ANO10: variants seen among roughly 807,000 people sequenced by gnomAD.
ANO10 encodes anoctamin-10.
ANO10 carries 77 observed loss-of-function variants against 74.7 expected under a neutral mutation model. That is an observed-to-expected ratio of 1.03 (90% confidence interval 0.86 to 1.25). The LOEUF is 1.25. Ranked by LOEUF, ANO10 falls within the 50% of genes most tolerant of loss-of-function variation. The probability of loss-of-function intolerance (pLI) is 0.00; values close to 1 mark genes in which losing one functional copy is unlikely to be tolerated. For missense variants in ANO10, 721 were observed against 778.1 expected (o/e 0.93, Z 0.87); for synonymous variants, 279 against 284.9 (o/e 0.98, Z 0.21).
chr3:43,466,530 TAAAC>T (rs781030270), intron 11 of ANO10, among the ~76,000 whole-genome samples: 1 of 152,074 alleles, frequency 6.6e-6, no homozygotes, highest in Non-Finnish European at 1.5e-5. Flanking sequence ...AAGGGTCTTT[TAAAC>T]AAACGACTAG....
chr3:43,524,296 G>A (rs2149225416), intron 11 of ANO10, among the ~76,000 whole-genome samples: 1 of 2,862 alleles, frequency 3.5e-4, no homozygotes, highest in African/African-American at 4.4e-4. Context: ...GTGCTTGGTT[G>A]GGGGAAATAT....
At chr3:43,650,233 G>A (rs2083772477) in intron 1 of ANO10, among the ~76,000 whole-genome samples, 1 of 152,134 alleles carries the variant, frequency 6.6e-6, no homozygotes, top group African/African-American at 2.4e-5. Context: ...TTGGGAAGAT[G>A]ATCTTCCCCT....
Position 43,521,301 on chromosome 3 carries a change from C to T in ANO10, c.1797+28419G>A, listed in dbSNP as rs140943682. Among the ~76,000 whole-genome samples, 262 of 152,314 alleles carry T rather than the reference C, an allele frequency of 1.7e-3. 2 individuals are homozygous for T. The highest frequency in any genetic ancestry group is 0.015 in the South Asian group (71 of 4,824). On this transcript the variant is annotated intron_variant, in intron 11 of 12. Coordinates refer to ENST00000292246, the MANE Select transcript of ANO10 (RefSeq NM_018075.5). ...ATGTTAACTGCAGGTTTTGCACACA[C>T]ATCACTTATCAGGTTGAAAACAAGG...
intron 11 of ANO10, among the ~76,000 whole-genome samples, chr3:43,515,057 A>G (rs577740737): frequency 6.6e-6 from 1 of 152,242 alleles, no homozygotes; most frequent in Non-Finnish European, 1.5e-5. Flanking sequence ...ACAGAGCAGA[A>G]AGCAAAGAAA....
chr3:43,414,738 C>G (rs1575717910), intron 12 of ANO10, among the ~76,000 whole-genome samples: 1 of 152,228 alleles, frequency 6.6e-6, no homozygotes, highest in East Asian at 1.9e-4. Flanking sequence ...TGGAAGATCT[C>G]TAAGAATGGA....
chr3:43,677,212 C>A (rs1392838998), intron 1 of ANO10, among the ~76,000 whole-genome samples: 1 of 152,168 alleles, frequency 6.6e-6, no homozygotes, highest in Admixed American at 6.5e-5. Context: ...TGGAAGCCAT[C>A]TTCCTAAGGG....
chr3:43,669,665 C>G (rs571002028), intron 1 of ANO10, among the ~76,000 whole-genome samples: 1 of 152,230 alleles, frequency 6.6e-6, no homozygotes, highest in African/African-American at 2.4e-5. Flanking sequence ...GATGGAGTGG[C>G]AACTTCTAAG....
chr3:43,387,185 AC>A (rs1203891274), intron 12 of ANO10, among the ~76,000 whole-genome samples: 1 of 152,166 alleles, frequency 6.6e-6, no homozygotes, highest in Non-Finnish European at 1.5e-5. Context: ...ACGTTACTGT[AC>A]TGAACACTAT....
chr3:43,566,196 G>A (rs555890969), intron 7 of ANO10, among the ~76,000 whole-genome samples: 19 of 152,316 alleles, frequency 1.2e-4, no homozygotes, highest in East Asian at 5.8e-4. Flanking sequence ...CGCCCACGGA[G>A]TCTCGCTGAT....
chr3:43,439,202 G>C (rs2093121863), intron 11 of ANO10, among the ~76,000 whole-genome samples: 1 of 151,878 alleles, frequency 6.6e-6, no homozygotes, highest in East Asian at 1.9e-4. Context: ...TCAGCAAGAA[G>C]ATTGGGGGCC....
chr3:43,530,066 T>C (rs1490517760), intron 11 of ANO10, among the ~76,000 whole-genome samples: 3 of 152,108 alleles, frequency 2.0e-5, no homozygotes, highest in Admixed American at 6.6e-5. Context: ...AGGCGAAAAC[T>C]GAAGATATAC....
chr3:43,467,710 T>A (rs771936887), intron 11 of ANO10, among the ~76,000 whole-genome samples: 20 of 152,328 alleles, frequency 1.3e-4, no homozygotes, highest in Non-Finnish European at 2.4e-4. Context: ...AAGCTGAACA[T>A]TTAAAATGGG....
intron 10 of ANO10, among the ~76,000 whole-genome samples, chr3:43,551,933 T>C (rs2079482387): frequency 6.6e-6 from 1 of 152,232 alleles, no homozygotes. Flanking sequence ...AATGTAGTTA[T>C]TGATATGTTA....
intron 12 of ANO10, among the ~76,000 whole-genome samples, chr3:43,375,791 C>A (rs2091781509): frequency 7.8e-6 from 1 of 128,662 alleles, no homozygotes; most frequent in Admixed American, 8.4e-5. Context: ...GCCACAGGAG[C>A]CTGGGGGAGA....
In ANO10 at chr3:43,451,337, G is replaced by A. The variant is rs17407849; in HGVS notation, c.1798-18610C>T. On this transcript the variant is annotated intron_variant, in intron 11 of 12. Coordinates refer to ENST00000292246, the MANE Select transcript of ANO10 (RefSeq NM_018075.5). ...TGCTGTACCCACCGACTAGTCTATC[G>A]GGATGGAAAATAATAACCTGGCCAT... Among the ~76,000 whole-genome samples the A allele has an allele frequency of 2.9e-3, 434 of 152,246 alleles. 2 individuals are homozygous for A. The highest frequency in any genetic ancestry group is 3.6e-3 in the Non-Finnish European group (248 of 68,018).
At chr3:43,420,444 C>A (rs1358734655) in intron 12 of ANO10, among the ~76,000 whole-genome samples, 1 of 151,296 alleles carries the variant, frequency 6.6e-6, no homozygotes, top group African/African-American at 2.4e-5. Flanking sequence ...CAGAGCCAGA[C>A]CCTGTCTCAA....
intron 7 of ANO10, among the ~76,000 whole-genome samples, chr3:43,573,424 A>AT (rs1280725861): frequency 6.6e-6 from 1 of 151,994 alleles, no homozygotes; most frequent in Admixed American, 6.6e-5. Context: ...GTGATTTCTG[A>AT]TTTTTTAAGG....
In ANO10 at chr3:43,576,704, A is replaced by G. The variant is rs2149401397; in HGVS notation, c.1150T>C (p.Leu384=). The G allele has an allele frequency of 6.2e-7, 1 of 1,614,188 alleles. No individual in the cohort carries two copies. Among genetic ancestry groups the G allele is most frequent in the East Asian group, 2.2e-5 (1 of 44,880 alleles). The part of the protein sequence containing the change: ...NRLYRYAAEF[L]TSWENHRLES... ...CCTCAAGTCTTACCCCATGAAGTTA[A>G]AAACTCGGCAGCATATCGATAGAGA... Residue 384 remains leucine, a synonymous_variant, in exon 6 of 13, where the codon TTA becomes CTA. Coordinates refer to ENST00000292246, the MANE Select transcript of ANO10 (RefSeq NM_018075.5).
intron 1 of ANO10, among the ~76,000 whole-genome samples, chr3:43,628,776 C>T (rs1436448949): frequency 6.6e-6 from 1 of 152,136 alleles, no homozygotes; most frequent in Non-Finnish European, 1.5e-5. Context: ...CCCAGTCTCC[C>T]ATAGCGCTCC....
Sources: gnomAD v4.1 joint callset for allele counts (sites outside exome capture counted in the v4.1 genomes callset) on GRCh38, gnomAD v4.1.1 for gene constraint, MANE v1.5 for transcripts, NCBI Gene and HGNC (gene_info 2026-07-23, HGNC 2026-07-21) for gene names.